Variants in ZIM2 observed in about 807,000 individuals in gnomAD.
ZIM2 encodes the protein zinc finger imprinted 2.
ZIM2 carries 14 observed loss-of-function variants against 38.6 expected under a neutral mutation model. The observed-to-expected ratio is 0.36, with a 90% CI of 0.24 to 0.57. The LOEUF (loss-of-function observed/expected upper bound fraction) is 0.57. Among genes scored for constraint, ZIM2 ranks in the 20% least tolerant of loss-of-function variants. The pLI, the probability that ZIM2 is intolerant of heterozygous loss-of-function variation, is 0.81. For synonymous variants in ZIM2, 247 were observed against 245.8 expected (o/e 1.00, Z -0.04); for missense variants, 680 against 695.1 (o/e 0.98, Z 0.24).
chr19:56,839,419 C>T (rs1375359307), intron 1 of ZIM2, among the ~76,000 whole-genome samples: 1 of 147,812 alleles, frequency 6.8e-6, no homozygotes, highest in Non-Finnish European at 1.5e-5. Context: ...GGCGTCCAAG[C>T]GGGCAGGGCC....
Position 56,818,028 on chromosome 19 carries a change from A to G in ZIM2, c.398-190T>C, listed in dbSNP as rs185639875. Among the ~76,000 whole-genome samples the G allele has an allele frequency of 2.4e-3, 358 of 152,304 alleles. 3 individuals carry two copies. The highest frequency in any genetic ancestry group is 7.6e-3 in the African/African-American group (316 of 41,574). On this transcript the variant is annotated intron_variant, in intron 8 of 12. Coordinates refer to ENST00000629319, the MANE Select transcript of ZIM2 (RefSeq NM_001387356.1). ...CCCTAATCCATTCTAATCTACATGTAATTCTTCTGACTCCACTCAGAAATG... is the reference window on the plus strand; with the variant it reads ...CCCTAATCCATTCTAATCTACATGTGATTCTTCTGACTCCACTCAGAAATG...
chr19:56,774,858 C>T lies in ZIM2; in HGVS notation c.1507G>A (p.Gly503Ser). The change falls in exon 13 of 13, where the codon GGC becomes AGC. Residue 503 changes from glycine to serine, a missense_variant. Transcript: ENST00000629319. ...TATGAATTCCGACTGAAGACTCTGC[C>T]ACAGTCACAACACTGGCAGGCTCTC... ...GERACQCCDC[G>S]RVFSRNSYLI... 6.2e-7 allele frequency: 1 copy of T among 1,614,142 alleles called. No homozygotes were observed. The highest frequency in any genetic ancestry group is 8.5e-7 in the Non-Finnish European group (1 of 1,180,022).
chr19:56,834,022 A>G (rs569401950), intron 2 of ZIM2, among the ~76,000 whole-genome samples: 27 of 152,244 alleles, frequency 1.8e-4, no homozygotes, highest in Non-Finnish European at 2.8e-4. Flanking sequence ...AAGAGAGGAA[A>G]TAATATCTAA....
chr19:56,826,736 G>A (rs1053579308), intron 2 of ZIM2, among the ~76,000 whole-genome samples: 4 of 152,142 alleles, frequency 2.6e-5, no homozygotes, highest in Non-Finnish European at 5.9e-5. Context: ...ACTCATGAAA[G>A]CAGAAATAAA....
At chr19:56,786,826 T>C (rs2046631938) in intron 10 of ZIM2, among the ~76,000 whole-genome samples, 1 of 151,996 alleles carries the variant, frequency 6.6e-6, no homozygotes, top group Admixed American at 6.6e-5. Context: ...TTGTTTTTTG[T>C]TTTGTTTTGT....
intron 9 of ZIM2, chr19:56,810,891 GACACACATAAT>G (rs1484665464): frequency 1.0e-6 from 1 of 963,836 alleles, no homozygotes; most frequent in Non-Finnish European, 1.2e-6. Flanking sequence ...CACCAATGGA[GACACACATAAT>G]ACACTGTTAT....
intron 2 of ZIM2, chr19:56,833,438 C>CTACTTCAGCACGCACATGGAG: frequency 3.0e-6 from 1 of 332,434 alleles, no homozygotes; most frequent in Non-Finnish European, 5.9e-6. Context: ...CCGACATTCT[C>CTACTTCAGCACGCACATGGAG]TACTTCAGCA....
At chr19:56,810,228 G>T in intron 9 of ZIM2, 1 of 982,360 alleles carries the variant, frequency 1.0e-6, no homozygotes, top group Non-Finnish European at 1.2e-6. Flanking sequence ...TGAAAACATG[G>T]GTGAGTTTCT....
chr19:56,823,777 A>ACAGACACACAGACAC, intron 4 of ZIM2, 98 bp from the exon 5 acceptor site: 1 of 1,347,994 alleles, frequency 7.4e-7, no homozygotes, highest in East Asian at 2.3e-5. Flanking sequence ...ACAGACACAC[A>ACAGACACACAGACAC]TGGTTGGAAT....
At chr19:56,816,269 T>A in intron 9 of ZIM2, 1 of 1,613,978 alleles carries the variant, frequency 6.2e-7, no homozygotes, top group Non-Finnish European at 8.5e-7. Context: ...AATGGCCCAC[T>A]ATGAATGACA....
At chr19:56,822,490 C>T in intron 6 of ZIM2, 1 of 355,318 alleles carries the variant, frequency 2.8e-6, no homozygotes, top group Non-Finnish European at 4.7e-6. Flanking sequence ...CATACAGAAA[C>T]TTCCAGTTTT....
At chr19:56,799,186 A>G (rs975168141) in intron 9 of ZIM2, 2 of 152,156 alleles carry the variant, frequency 1.3e-5, no homozygotes, top group African/African-American at 4.8e-5. Context: ...TAGCAAAAAC[A>G]TGGAATCAAC....
intron 10 of ZIM2, among the ~76,000 whole-genome samples, chr19:56,787,710 GTTTTT>G (rs56289231): frequency 1.9e-5 from 2 of 105,856 alleles, no homozygotes; most frequent in African/African-American, 7.1e-5. Context: ...CTGGTCCTGG[GTTTTT>G]TTTTTTTTTT....
At chr19:56,824,526 A>T (rs1311579440) in intron 3 of ZIM2, 99 bp from the exon 4 acceptor site, 2 of 1,613,404 alleles carry the variant, frequency 1.2e-6, no homozygotes, top group African/African-American at 2.7e-5. Flanking sequence ...TGATGAAAAA[A>T]CTCAGAGTCA....
intron 11 of ZIM2, among the ~76,000 whole-genome samples, chr19:56,781,641 C>CA (rs1340169908): frequency 2.0e-5 from 3 of 152,024 alleles, no homozygotes; most frequent in African/African-American, 7.2e-5. Flanking sequence ...TCAGGTTCCT[C>CA]AAAGTTAAAA....
intron 12 of ZIM2, among the ~76,000 whole-genome samples, chr19:56,775,973 T>C (rs1381779106): frequency 6.6e-6 from 1 of 151,784 alleles, no homozygotes; most frequent in Non-Finnish European, 1.5e-5. Flanking sequence ...TGGTGGCGCG[T>C]GCCTGTAGTC....
chr19:56,816,141 A>G (rs2146189696), intron 9 of ZIM2: 4 of 1,613,628 alleles, frequency 2.5e-6, no homozygotes, highest in African/African-American at 1.3e-5. Flanking sequence ...CCTCATAGAC[A>G]TTTTCCTTAG....
intron 2 of ZIM2, 29 bp downstream of exon 2, chr19:56,835,988 GT>G (rs1225472095): frequency 5.9e-6 from 3 of 506,480 alleles, no homozygotes; most frequent in Non-Finnish European, 1.2e-5. Flanking sequence ...AAAGATGAAT[GT>G]GGCACTGTGA....
chr19:56,787,792 C>T (rs1204187028), intron 10 of ZIM2, among the ~76,000 whole-genome samples: 1 of 139,002 alleles, frequency 7.2e-6, no homozygotes, highest in Non-Finnish European at 1.5e-5. Context: ...TTCAGGGATT[C>T]GACTTCTTCC....
Sources: allele counts gnomAD v4.1 joint callset (sites outside exome capture counted in the v4.1 genomes callset), GRCh38; gene constraint gnomAD v4.1.1; transcripts MANE v1.5; gene names NCBI Gene and HGNC (gene_info 2026-07-23, HGNC 2026-07-21).